The following TBC1D1 variants were observed in gnomAD, a reference collection of about 807,000 sequenced individuals.
TBC1D1 encodes the protein TBC1 (tre-2/USP6, BUB2, cdc16) domain family, member 1.
In TBC1D1, 89 loss-of-function variants were observed where a neutral mutation model predicts 125.6. That is an observed-to-expected ratio of 0.71 (90% CI 0.60 to 0.85). The LOEUF is 0.85. Among genes scored for constraint, TBC1D1 ranks in the 40% least tolerant of loss-of-function variants. TBC1D1 has a pLI of 0.00. For synonymous variants in TBC1D1, 565 were observed against 564.1 expected, an observed-to-expected ratio of 1.00 and a Z score of -0.02; for missense variants, 1,377 against 1,469.2, an observed-to-expected ratio of 0.94 and a Z score of 1.03.
rs777736770 is a variant in TBC1D1 at position 38,133,212 on chromosome 4, C to G, written c.3261C>G (p.Asn1087Lys). Reference sequence around the variant, plus strand: ...GAATGGATAAATTAGAGAAAACCAACAGCAGCTTACGCAAACAGAACCTTG... The same window carrying G: ...GAATGGATAAATTAGAGAAAACCAAGAGCAGCTTACGCAAACAGAACCTTG... Residue 1087 changes from asparagine (N) to lysine (K), a missense_variant, in exon 19 of 20, where the codon AAC (asparagine) becomes AAG (lysine). Coordinates refer to ENST00000261439, the MANE Select transcript of TBC1D1 (RefSeq NM_015173.4). 19 of 1,614,070 alleles carry G rather than the reference C, an allele frequency of 1.2e-5. No individual in the cohort carries two copies. Among genetic ancestry groups the G allele is most frequent in the Non-Finnish European group, 1.6e-5 (19 of 1,180,018 alleles).
chr4:38,045,956 T>G, intron 10 of TBC1D1, 53 bp downstream of exon 10: 1 of 1,484,816 alleles, frequency 6.7e-7, no homozygotes, highest in Non-Finnish European at 9.4e-7. Flanking sequence ...AAATAGGTCT[T>G]GCTCATCTCC....
chr4:38,081,836 C>A (rs1363705842), intron 12 of TBC1D1, among the ~76,000 whole-genome samples: 2 of 152,172 alleles, frequency 1.3e-5, no homozygotes, highest in Non-Finnish European at 2.9e-5. Context: ...CCAGGGCTGG[C>A]ATCATCAGTT....
In TBC1D1 at chr4:38,049,904, A is replaced by T. The variant is rs746076777; in HGVS notation, c.1910+6A>T. 1 of 1,601,820 alleles carries T rather than the reference A, an allele frequency of 6.2e-7. No homozygotes were observed. ...GAGACGCCTCATGAACGAAAGTAAG[A>T]TTTGTTTAAATTTGTTGCATAAATA... On this transcript the variant is annotated splice_donor_region_variant and intron_variant, in intron 11 of 19. Transcript: ENST00000261439.
intron 4 of TBC1D1, among the ~76,000 whole-genome samples, chr4:38,019,320 G>T (rs1418747045): frequency 1.3e-5 from 2 of 152,092 alleles, no homozygotes; most frequent in Non-Finnish European, 2.9e-5. Flanking sequence ...AGATTGAATA[G>T]GGAACCATTT....
chr4:38,110,240 G>A (rs550490004), intron 15 of TBC1D1: 6 of 985,418 alleles, frequency 6.1e-6, no homozygotes, highest in Middle Eastern at 5.2e-4. Flanking sequence ...GTTTCTCACA[G>A]CACCGTACAG....
At chr4:37,893,981 A>G (rs1713960114) in intron 1 of TBC1D1, among the ~76,000 whole-genome samples, 1 of 144,254 alleles carries the variant, frequency 6.9e-6, no homozygotes, top group Admixed American at 7.5e-5. Flanking sequence ...TCATGCTTCA[A>G]GGTTTTTGAC....
At chr4:38,088,589 T>C (rs1286411681) in intron 12 of TBC1D1, among the ~76,000 whole-genome samples, 2 of 152,180 alleles carry the variant, frequency 1.3e-5, no homozygotes, top group Non-Finnish European at 2.9e-5. Context: ...GTAGCTGAAA[T>C]TTTGATTTCT....
intron 12 of TBC1D1, among the ~76,000 whole-genome samples, chr4:38,058,141 G>T (rs540416193): frequency 1.3e-5 from 2 of 152,070 alleles, no homozygotes; most frequent in African/African-American, 4.8e-5. Context: ...CATCCTGACC[G>T]CCTCCCTAAT....
Position 38,027,846 on chromosome 4 carries a change from T to C in TBC1D1, c.1269T>C (p.Asn423=). ...AAAAGCACCTGACGACATTAACCAA[T>C]CAGGAGCAGGCGACTATTTTTGAAG... The change falls in exon 7 of 20, where the codon AAT becomes AAC. Residue 423 remains asparagine, a synonymous_variant. Transcript: ENST00000261439. 1 of 1,613,440 alleles carries C rather than the reference T, an allele frequency of 6.2e-7. No homozygotes were observed. The highest frequency in any genetic ancestry group is 2.2e-5 in the East Asian group (1 of 44,866).
At chr4:38,055,082 G>C (rs1169212082) in intron 12 of TBC1D1, 1 of 152,078 alleles carries the variant, frequency 6.6e-6, no homozygotes, top group Non-Finnish European at 1.5e-5. Flanking sequence ...GATCTTATTG[G>C]GAAGCTGCAG....
intron 2 of TBC1D1, among the ~76,000 whole-genome samples, chr4:37,964,724 G>C (rs1198473275): frequency 6.6e-6 from 1 of 152,224 alleles, no homozygotes; most frequent in Non-Finnish European, 1.5e-5. Flanking sequence ...TGCTGCCTCA[G>C]ACCCAACAAG....
At chr4:38,092,076 G>A (rs1416996659) in intron 13 of TBC1D1, among the ~76,000 whole-genome samples, 1 of 152,162 alleles carries the variant, frequency 6.6e-6, no homozygotes, top group Non-Finnish European at 1.5e-5. Context: ...AAAATAACTA[G>A]CAATAACAGC....
intron 11 of TBC1D1, chr4:38,053,165 T>A (rs757621054): frequency 2.0e-6 from 3 of 1,538,174 alleles, no homozygotes. Context: ...GTGCCAAATT[T>A]TCTAAAATTT....
In TBC1D1 at chr4:37,956,098, C is replaced by T. The variant is rs140178644; in HGVS notation, c.417+53586C>T. The stretch of plus-strand genomic sequence containing the variant: ...TGGAGTACCGGTGTCGTGATCTAGG[C>T]TTACTGCAACATCTGCCTCCCAGGT... On this transcript the variant is annotated intron_variant, in intron 2 of 19. Coordinates refer to ENST00000261439, the MANE Select transcript of TBC1D1 (RefSeq NM_015173.4). Among the ~76,000 whole-genome samples, 923 of 151,360 alleles carry T rather than the reference C, an allele frequency of 6.1e-3. 11 individuals carry two copies. The highest frequency in any genetic ancestry group is 0.021 in the African/African-American group (857 of 41,142).
At chr4:37,927,988 C>T (rs1033787360) in intron 2 of TBC1D1, among the ~76,000 whole-genome samples, 3 of 152,286 alleles carry the variant, frequency 2.0e-5, no homozygotes, top group Middle Eastern at 3.4e-3. Context: ...AAATGACTGA[C>T]AATGGCAAAT....
intron 11 of TBC1D1, chr4:38,053,225 G>C: frequency 2.0e-6 from 3 of 1,505,786 alleles, no homozygotes; most frequent in Non-Finnish European, 2.7e-6. Context: ...AACACAAAAA[G>C]GTAGGGCTTA....
intron 12 of TBC1D1, among the ~76,000 whole-genome samples, chr4:38,069,285 C>T (rs536707489): frequency 1.3e-5 from 2 of 152,290 alleles, no homozygotes; most frequent in South Asian, 2.1e-4. Context: ...GATTATGTTC[C>T]CTTCTCGCCT....
In TBC1D1 at chr4:38,061,163, G is replaced by A. The variant is rs181524501; in HGVS notation, c.2050+6825G>A. Among the ~76,000 whole-genome samples the A allele has an allele frequency of 8.2e-3, 1,253 of 152,296 alleles. 22 individuals are homozygous for A. Among genetic ancestry groups the A allele is most frequent in the Non-Finnish European group, 0.013 (854 of 68,022 alleles). ...TATGCCAGGTGAACCCAAATGTATGGTGCTTTGCGTCTTTCCTGCCCTTTG... is the reference window on the plus strand; with the variant it reads ...TATGCCAGGTGAACCCAAATGTATGATGCTTTGCGTCTTTCCTGCCCTTTG... On this transcript the variant is annotated intron_variant, in intron 12 of 19. Transcript: ENST00000261439.
Position 38,115,776 on chromosome 4 carries a change from A to G in TBC1D1, c.2624A>G (p.Asn875Ser), listed in dbSNP as rs756175400. The G allele has an allele frequency of 6.2e-7, 1 of 1,614,208 alleles. No individual in the cohort carries two copies. The highest frequency in any genetic ancestry group is 8.5e-7 in the Non-Finnish European group (1 of 1,180,026). Reference sequence around the variant, plus strand: ...GGAGCAGGACAGCTATCGCTTTACAACATTTTGAAGGCCTACTCACTTCTA... The same window carrying G: ...GGAGCAGGACAGCTATCGCTTTACAGCATTTTGAAGGCCTACTCACTTCTA... The change falls in exon 16 of 20, where the codon AAC (asparagine) becomes AGC (serine). Residue 875 changes from asparagine (N) to serine (S), a missense_variant. This residue lies in a region of TBC1D1 where 543 missense variants were observed against 613.5 expected (regional missense o/e 0.89). Transcript: ENST00000261439.
Sources: gnomAD v4.1 joint callset for allele counts (sites outside exome capture counted in the v4.1 genomes callset) on GRCh38, gnomAD v4.1.1 for gene constraint, gnomAD v4.1.1 regional missense constraint, MANE v1.5 for transcripts, NCBI Gene and HGNC (gene_info 2026-07-23, HGNC 2026-07-21) for gene names.